The following WASF1 variants were observed in gnomAD, a reference collection of about 807,000 sequenced individuals.
WASF1 encodes actin-binding protein WASF1.
WASF1 carries 7 observed loss-of-function variants against 50.5 expected under a neutral mutation model. That is an observed-to-expected ratio of 0.14 (90% CI 0.08 to 0.26). WASF1 has a LOEUF of 0.26. WASF1 is among the 10% of genes least tolerant of loss of function. The probability of loss-of-function intolerance (pLI) is 1.00; values close to 1 mark genes in which losing one functional copy is unlikely to be tolerated. For synonymous variants in WASF1, 205 were observed against 244.0 expected (o/e 0.84, Z 1.49); for missense variants, 470 against 694.7 (o/e 0.68, Z 3.64).
At chr6:110,147,553 T>C (rs1207635677) in intron 3 of WASF1, among the ~76,000 whole-genome samples, 2 of 152,176 alleles carry the variant, frequency 1.3e-5, no homozygotes, top group Non-Finnish European at 2.9e-5. Flanking sequence ...ATCAATAGTA[T>C]TATACACCTA....
chr6:110,166,953 A>G (rs185224752), intron 2 of WASF1, among the ~76,000 whole-genome samples: 2 of 152,078 alleles, frequency 1.3e-5, no homozygotes, highest in Admixed American at 1.3e-4. Flanking sequence ...GGGCTATGCT[A>G]TCTTAATATA....
rs573416244 is a variant in WASF1 at position 110,150,371 on chromosome 6, A to G, written c.-29+10264T>C. Among the ~76,000 whole-genome samples the G allele has an allele frequency of 5.3e-5, 8 of 152,350 alleles. No homozygotes were observed. The South Asian group carries it at 1.7e-3, about 32-fold the overall frequency. On this transcript the variant is annotated intron_variant, in intron 3 of 10. Transcript: ENST00000392589. ...AGAGAGAATGAAATCAAAACCAGCT[A>G]AAGAGGTTAAAGGAAGACAGTAATT...
intron 10 of WASF1, 59 bp downstream of exon 10, chr6:110,101,529 T>C: frequency 6.6e-7 from 1 of 1,524,662 alleles, no homozygotes; most frequent in Non-Finnish European, 8.8e-7. Flanking sequence ...TTGTCTTAAA[T>C]ATTTAGAAAG....
chr6:110,150,843 C>G (rs1304176807), intron 3 of WASF1, among the ~76,000 whole-genome samples: 1 of 151,952 alleles, frequency 6.6e-6, no homozygotes, highest in Non-Finnish European at 1.5e-5. Context: ...CGAGACCAGC[C>G]TGGCTAACAT....
chr6:110,165,943 A>G (rs997627472), intron 2 of WASF1, among the ~76,000 whole-genome samples: 24 of 151,882 alleles, frequency 1.6e-4, no homozygotes, highest in Middle Eastern at 3.4e-3. Flanking sequence ...AATTCCAGGA[A>G]TAAAGGAAGC....
chr6:110,163,360 A>G (rs563784974), intron 2 of WASF1, among the ~76,000 whole-genome samples: 117 of 151,736 alleles, frequency 7.7e-4, no homozygotes, highest in African/African-American at 2.5e-3. Flanking sequence ...CTGGAATTCT[A>G]TGAAACTAAG....
At chr6:110,146,262 AAT>A (rs1274914870) in intron 3 of WASF1, among the ~76,000 whole-genome samples, 1 of 152,234 alleles carries the variant, frequency 6.6e-6, no homozygotes, top group Non-Finnish European at 1.5e-5. Flanking sequence ...CAATATTTCA[AAT>A]ATGTTAAGAA....
At chr6:110,142,800 C>T (rs946207679) in intron 3 of WASF1, among the ~76,000 whole-genome samples, 1 of 151,748 alleles carries the variant, frequency 6.6e-6, no homozygotes, top group African/African-American at 2.4e-5. Context: ...ATCTTTTAAT[C>T]CATCAGTGCC....
intron 3 of WASF1, among the ~76,000 whole-genome samples, chr6:110,129,304 C>CA (rs941909271): frequency 9.9e-5 from 15 of 151,694 alleles, no homozygotes; most frequent in African/African-American, 2.7e-4. Context: ...CAGCAAAAAA[C>CA]AAAAAAACAA....
chr6:110,152,714 T>C (rs1414603194), intron 3 of WASF1, among the ~76,000 whole-genome samples: 3 of 152,296 alleles, frequency 2.0e-5, no homozygotes, highest in Non-Finnish European at 2.9e-5. Context: ...TTCTGACTTA[T>C]AGGACTATAA....
intron 4 of WASF1, among the ~76,000 whole-genome samples, chr6:110,124,272 CTCTA>C (rs1159185146): frequency 7.7e-4 from 33 of 42,652 alleles, no homozygotes; most frequent in Non-Finnish European, 1.0e-3. Flanking sequence ...CTCTCTCTCT[CTCTA>C]TATATATATA....
chr6:110,149,311 G>A (rs1462493), intron 3 of WASF1, among the ~76,000 whole-genome samples: 1 of 151,276 alleles, frequency 6.6e-6, no homozygotes, highest in African/African-American at 2.4e-5. Flanking sequence ...TGCTTTGTTC[G>A]CCTACATCGT....
chr6:110,137,538 T>C (rs1775023995), intron 3 of WASF1, among the ~76,000 whole-genome samples: 1 of 152,184 alleles, frequency 6.6e-6, no homozygotes, highest in South Asian at 2.1e-4. Flanking sequence ...CTGTAACTTA[T>C]GCAGCTGTAA....
At chr6:110,150,864 C>T (rs1450992319) in intron 3 of WASF1, among the ~76,000 whole-genome samples, 1 of 151,820 alleles carries the variant, frequency 6.6e-6, no homozygotes, top group South Asian at 2.1e-4. Context: ...GGTAAAACCC[C>T]GTTTCTACTA....
chr6:110,158,545 C>T (rs1046223211), intron 3 of WASF1, among the ~76,000 whole-genome samples: 2 of 151,722 alleles, frequency 1.3e-5, no homozygotes, highest in East Asian at 1.9e-4. Context: ...GGATCCTATT[C>T]GGCCATCTTG....
chr6:110,166,306 A>G (rs888801116), intron 2 of WASF1, among the ~76,000 whole-genome samples: 22 of 151,622 alleles, frequency 1.5e-4, no homozygotes, highest in African/African-American at 3.9e-4. Flanking sequence ...ATATTTCTGA[A>G]CTCTTTTACC....
chr6:110,136,322 C>G (rs774844655), intron 3 of WASF1, among the ~76,000 whole-genome samples: 1 of 151,960 alleles, frequency 6.6e-6, no homozygotes, highest in African/African-American at 2.4e-5. Flanking sequence ...CTTTATTGTC[C>G]AAAATAGTCA....
intron 3 of WASF1, among the ~76,000 whole-genome samples, chr6:110,151,066 T>C (rs1775801106): frequency 6.6e-6 from 1 of 152,102 alleles, no homozygotes; most frequent in Admixed American, 6.5e-5. Context: ...AGGACAAACA[T>C]TTGATCTTAA....
chr6:110,166,209 G>GAA (rs1398704691), intron 2 of WASF1, among the ~76,000 whole-genome samples: 1 of 150,160 alleles, frequency 6.7e-6, no homozygotes, highest in Non-Finnish European at 1.5e-5. Context: ...AAACCAGGGA[G>GAA]AAAAAAGACT....
Sources: gnomAD v4.1 joint callset for allele counts (sites outside exome capture counted in the v4.1 genomes callset) on GRCh38, gnomAD v4.1.1 for gene constraint, MANE v1.5 for transcripts, NCBI Gene and HGNC (gene_info 2026-07-23, HGNC 2026-07-21) for gene names.